CYFIP2: variants seen among roughly 807,000 people sequenced by gnomAD.
CYFIP2 encodes the protein cytoplasmic FMR1 interacting protein 2.
CYFIP2 carries 29 observed loss-of-function variants against 158.7 expected under a neutral mutation model. The observed-to-expected ratio is 0.18, with a 90% CI of 0.14 to 0.25. CYFIP2 has a LOEUF of 0.25. CYFIP2 is among the 10% of genes least tolerant of loss of function. The pLI is 1.00. For missense variants in CYFIP2, 852 were observed against 1,639.5 expected, an observed-to-expected ratio of 0.52 and a Z score of 8.29; for synonymous variants, 585 against 617.6, an observed-to-expected ratio of 0.95 and a Z score of 0.78.
At chr5:157,376,938 C>T in intron 26 of CYFIP2, 1 of 455,596 alleles carries the variant, frequency 2.2e-6, no homozygotes, top group Non-Finnish European at 4.4e-6. Context: ...ACCTTGGCTT[C>T]CTCCTGCCTG....
intron 23 of CYFIP2, among the ~76,000 whole-genome samples, chr5:157,356,106 C>G (rs1367038463): frequency 6.6e-6 from 1 of 152,146 alleles, no homozygotes; most frequent in African/African-American, 2.4e-5. Flanking sequence ...ATACCATAAG[C>G]TGAGTGACTT....
intron 8 of CYFIP2, among the ~76,000 whole-genome samples, chr5:157,306,927 G>C (rs1202529703): frequency 6.7e-6 from 1 of 149,124 alleles, no homozygotes; most frequent in Non-Finnish European, 1.5e-5. Context: ...TGCACCCACA[G>C]AGGAAGCAAC....
intron 20 of CYFIP2, among the ~76,000 whole-genome samples, chr5:157,331,179 G>C (rs1278842700): frequency 6.6e-6 from 1 of 151,960 alleles, no homozygotes; most frequent in Non-Finnish European, 1.5e-5. Context: ...ATCTGTCCCT[G>C]AACAGGGCCC....
chr5:157,298,946 C>T (rs904459011), intron 5 of CYFIP2, among the ~76,000 whole-genome samples: 15 of 152,010 alleles, frequency 9.9e-5, no homozygotes, highest in African/African-American at 2.2e-4. Flanking sequence ...ATGGATATAC[C>T]GTATTTTATT....
intron 15 of CYFIP2, chr5:157,322,822 C>T (rs1760710497): frequency 6.4e-6 from 7 of 1,091,720 alleles, no homozygotes; most frequent in Non-Finnish European, 9.2e-6. Flanking sequence ...GTCGCGGCGG[C>T]TTTCCCACCG....
chr5:157,292,193 C>CTTTTTCT (rs149532880), intron 3 of CYFIP2, among the ~76,000 whole-genome samples: 2 of 151,796 alleles, frequency 1.3e-5, no homozygotes, highest in East Asian at 3.9e-4. Flanking sequence ...TTCTTTCTTT[C>CTTTTTCT]TTTTTCTTTT....
At position 157,352,222 on chromosome 5, in the gene CYFIP2, G is replaced by A. The variant is rs143326342; in HGVS notation, c.2674-6783G>A. 2.8e-3 allele frequency among the ~76,000 whole-genome samples: 433 copies of A among 152,130 alleles called. 4 individuals are homozygous for A. Among genetic ancestry groups the A allele is most frequent in the African/African-American group, 0.01 (422 of 41,484 alleles). ...AGAAATTGTTGGTGTGATCTGTTTG[G>A]CCTGGTTGTCACAAGCCCCCATCTG... On this transcript the variant is annotated intron_variant, in intron 23 of 30. Transcript: ENST00000620254.
intron 27 of CYFIP2, 147 bp from the exon 28 acceptor site, chr5:157,383,118 A>G (rs917937460): frequency 6.1e-6 from 4 of 659,686 alleles, no homozygotes; most frequent in Middle Eastern, 4.2e-4. Flanking sequence ...AACTACTCAC[A>G]CTTTCCAGAA....
At position 157,324,178 on chromosome 5, in the gene CYFIP2, A is replaced by T. The variant is rs546000514; in HGVS notation, c.1825+104A>T. 1.0e-4 allele frequency: 132 copies of T among 1,323,538 alleles called. 3 individuals carry two copies. The South Asian group carries it at 2.1e-3, about 21-fold the overall frequency. 82.0% of individuals were successfully genotyped at this position (1,323,538 alleles called of 1,614,324 possible). ...GCATTGCAAAGGGACGTGACCGTTGACCCTAAGGGGCACATATCACCACCA... is the reference window on the plus strand; with the variant it reads ...GCATTGCAAAGGGACGTGACCGTTGTCCCTAAGGGGCACATATCACCACCA... On this transcript the variant is annotated intron_variant, in intron 16 of 30. Coordinates refer to ENST00000620254, the MANE Select transcript of CYFIP2 (RefSeq NM_001037333.3).
Position 157,291,818 on chromosome 5 carries a change from G to A in CYFIP2, c.208-2965G>A, listed in dbSNP as rs554709174. On this transcript the variant is annotated intron_variant, in intron 3 of 30. Transcript: ENST00000620254. The stretch of plus-strand genomic sequence containing the variant: ...TATACTAATAAGATATTATGAAATG[G>A]TGGTATGTGGATTTAAAAATAAAGT... 1.1e-4 allele frequency among the ~76,000 whole-genome samples: 17 copies of A among 152,318 alleles called. No homozygotes were observed. In the South Asian group the frequency reaches 3.3e-3, roughly 30 times the overall value.
chr5:157,293,570 A>G (rs1046627412), intron 3 of CYFIP2, among the ~76,000 whole-genome samples: 2 of 152,216 alleles, frequency 1.3e-5, no homozygotes, highest in Admixed American at 6.5e-5. Flanking sequence ...TTATAGTGCT[A>G]TATGACTTTT....
intron 19 of CYFIP2, among the ~76,000 whole-genome samples, chr5:157,329,974 A>G (rs973738056): frequency 6.6e-5 from 10 of 152,168 alleles, no homozygotes; most frequent in African/African-American, 2.2e-4. Context: ...ATGCTCTCCA[A>G]CCTGCACTAT....
intron 14 of CYFIP2, 101 bp from the exon 15 acceptor site, chr5:157,320,554 T>C (rs1760510425): frequency 6.8e-7 from 1 of 1,462,692 alleles, no homozygotes; most frequent in African/African-American, 1.4e-5. Context: ...AGAATTCAAA[T>C]GTGGGTGTTC....
At chr5:157,378,063 G>A (rs1296134305) in intron 26 of CYFIP2, among the ~76,000 whole-genome samples, 3 of 152,202 alleles carry the variant, frequency 2.0e-5, no homozygotes, top group Admixed American at 6.5e-5. Flanking sequence ...AACTTAAATG[G>A]GGCTTTATGG....
At chr5:157,343,474 C>A in intron 23 of CYFIP2, 1 of 1,606,566 alleles carries the variant, frequency 6.2e-7, no homozygotes, top group Non-Finnish European at 8.5e-7. Flanking sequence ...CCAGGCAGGG[C>A]TCCGAGGACG....
At chr5:157,364,760 T>A (rs931380514) in intron 26 of CYFIP2, 4 of 152,078 alleles carry the variant, frequency 2.6e-5, no homozygotes, top group Admixed American at 2.0e-4. Context: ...GTTTTTTTAG[T>A]TTAGGAAGCT....
intron 7 of CYFIP2, among the ~76,000 whole-genome samples, chr5:157,303,393 C>A (rs1327964096): frequency 1.3e-5 from 2 of 152,236 alleles, no homozygotes; most frequent in Non-Finnish European, 2.9e-5. Context: ...GCTGTTATTG[C>A]TGCCGCTGCT....
At chr5:157,380,402 T>TCCGG (rs1765933826) in intron 26 of CYFIP2, among the ~76,000 whole-genome samples, 1 of 152,228 alleles carries the variant, frequency 6.6e-6, no homozygotes. Flanking sequence ...CCCAAGTTAG[T>TCCGG]CCGGCCTCTG....
chr5:157,359,185 A>T, intron 24 of CYFIP2, 37 bp downstream of exon 24: 1 of 1,609,448 alleles, frequency 6.2e-7, no homozygotes, highest in Non-Finnish European at 8.5e-7. Flanking sequence ...AGATATGCCC[A>T]TGTGGGTTTG....
Sources: gnomAD v4.1 joint callset for allele counts (sites outside exome capture counted in the v4.1 genomes callset) on GRCh38, gnomAD v4.1.1 for gene constraint, MANE v1.5 for transcripts, NCBI Gene and HGNC (gene_info 2026-07-23, HGNC 2026-07-21) for gene names.